The following EYA4 variants were observed in gnomAD, a reference collection of about 807,000 sequenced individuals.
EYA4 encodes the protein protein phosphatase EYA4.
In EYA4, 31 loss-of-function variants were observed where a neutral mutation model predicts 87.9. The observed-to-expected ratio is 0.35, with a 90% CI of 0.27 to 0.48. The LOEUF is 0.48. Ranked by LOEUF, EYA4 falls within the 20% of genes least tolerant of loss-of-function variation. The pLI is 0.99. For synonymous variants in EYA4, 263 were observed against 270.6 expected, an observed-to-expected ratio of 0.97 and a Z score of 0.28; for missense variants, 678 against 761.4, an observed-to-expected ratio of 0.89 and a Z score of 1.29.
At chr6:133,382,245 T>A in intron 2 of EYA4, 147 bp from the exon 3 acceptor site, 4 of 723,926 alleles carry the variant, frequency 5.5e-6, no homozygotes, top group Non-Finnish European at 1.0e-5. Flanking sequence ...AAATACACTA[T>A]TTAGTACTGT....
intron 17 of EYA4, among the ~76,000 whole-genome samples, chr6:133,522,263 G>GC (rs1800250971): frequency 1.4e-5 from 2 of 147,666 alleles, no homozygotes; most frequent in Non-Finnish European, 3.0e-5. Context: ...ATGTTGGTGT[G>GC]CTATTTGTTT....
intron 2 of EYA4, among the ~76,000 whole-genome samples, chr6:133,310,406 C>T (rs770556387): frequency 6.6e-6 from 1 of 152,186 alleles, no homozygotes; most frequent in African/African-American, 2.4e-5. Flanking sequence ...ACCCTCCCCA[C>T]ATCAGCTAAT....
At chr6:133,505,015 C>T (rs897138528) in intron 13 of EYA4, among the ~76,000 whole-genome samples, 1 of 152,170 alleles carries the variant, frequency 6.6e-6, no homozygotes, top group Non-Finnish European at 1.5e-5. Context: ...CCAATAGTAT[C>T]CTTCTAGACT....
At chr6:133,510,920 T>C (rs952679432) in intron 14 of EYA4, among the ~76,000 whole-genome samples, 13 of 152,240 alleles carry the variant, frequency 8.5e-5, no homozygotes, top group Admixed American at 2.0e-4. Context: ...TATGCTAGAT[T>C]GTGCCGTAAG....
chr6:133,260,107 G>T (rs2128241287), intron 1 of EYA4, among the ~76,000 whole-genome samples: 1 of 151,832 alleles, frequency 6.6e-6, no homozygotes, highest in East Asian at 1.9e-4. Context: ...TTTTATTTCT[G>T]TTTCTTTTGT....
intron 2 of EYA4, among the ~76,000 whole-genome samples, chr6:133,357,270 CAAAAAAAAA>C (rs754202361): frequency 3.1e-5 from 2 of 65,318 alleles, no homozygotes; most frequent in African/African-American, 6.6e-5. Context: ...GACTCCGTCT[CAAAAAAAAA>C]AAAAAAAAAA....
chr6:133,267,942 CATT>C (rs758732557), intron 1 of EYA4, among the ~76,000 whole-genome samples: 18 of 152,032 alleles, frequency 1.2e-4, no homozygotes, highest in Non-Finnish European at 2.5e-4. Context: ...TAGAAAATGA[CATT>C]GTTACTAGCA....
At chr6:133,302,665 G>T (rs1292453077) in intron 2 of EYA4, among the ~76,000 whole-genome samples, 1 of 152,062 alleles carries the variant, frequency 6.6e-6, no homozygotes, top group Non-Finnish European at 1.5e-5. Flanking sequence ...CTATTTATCA[G>T]CTTACACTAA....
At chr6:133,300,558 A>G (rs1266888535) in intron 2 of EYA4, among the ~76,000 whole-genome samples, 1 of 152,058 alleles carries the variant, frequency 6.6e-6, no homozygotes, top group African/African-American at 2.4e-5. Context: ...CCCTGTCACC[A>G]GGCTGGAGTG....
At chr6:133,394,364 A>G (rs1787608519) in intron 3 of EYA4, among the ~76,000 whole-genome samples, 1 of 139,896 alleles carries the variant, frequency 7.1e-6, no homozygotes, top group Non-Finnish European at 1.5e-5. Flanking sequence ...AGAAAAAGTT[A>G]TATCAAACAA....
intron 2 of EYA4, among the ~76,000 whole-genome samples, chr6:133,275,427 C>G (rs1443721391): frequency 7.9e-5 from 12 of 152,152 alleles, no homozygotes; most frequent in Admixed American, 2.0e-4. Context: ...CTCACACCCC[C>G]ACGCCTTCAC....
chr6:133,253,959 T>C (rs558865640), intron 1 of EYA4, among the ~76,000 whole-genome samples: 37 of 152,254 alleles, frequency 2.4e-4, no homozygotes, highest in African/African-American at 8.4e-4. Flanking sequence ...TAAAGGGCAT[T>C]AGGTCCCAAA....
At chr6:133,292,902 T>C (rs1939221752) in intron 2 of EYA4, among the ~76,000 whole-genome samples, 1 of 152,188 alleles carries the variant, frequency 6.6e-6, no homozygotes, top group South Asian at 2.1e-4. Flanking sequence ...TTCATAGATG[T>C]AATTAGAGTA....
At position 133,289,969 on chromosome 6, in the gene EYA4, G is replaced by T. The variant is rs549096240; in HGVS notation, c.33+15156G>T. Among the ~76,000 whole-genome samples, 59 of 152,270 alleles carry T rather than the reference G, an allele frequency of 3.9e-4. No individual in the cohort carries two copies. The South Asian group carries it at 0.012, about 30-fold the overall frequency. Reference sequence around the variant, plus strand: ...AGGGCAAACACTCCCTACTTACTTTGCTTTGCTTTCATTATTTTGCCTAAA... The same window carrying T: ...AGGGCAAACACTCCCTACTTACTTTTCTTTGCTTTCATTATTTTGCCTAAA... On this transcript the variant is annotated intron_variant, in intron 2 of 19. Transcript: ENST00000355286.
At position 133,464,124 on chromosome 6, in the gene EYA4, CT is replaced by C. The variant is rs896412177; in HGVS notation, c.725-646del. ...TCTTGACAAGCACATTCCATAAGGACTTTTTTTTTAGGAAACCTGTAATTGG... is the reference window on the plus strand; with the variant it reads ...TCTTGACAAGCACATTCCATAAGGACTTTTTTTTAGGAAACCTGTAATTGG... On this transcript the variant is annotated intron_variant, in intron 9 of 19. Coordinates refer to ENST00000355286, the MANE Select transcript of EYA4 (RefSeq NM_004100.5). Among the ~76,000 whole-genome samples the C allele has an allele frequency of 4.6e-5, 7 of 151,106 alleles. No homozygotes were observed. In the East Asian group the frequency reaches 7.8e-4, roughly 17 times the overall value.
chr6:133,289,221 A>G (rs1053455950), intron 2 of EYA4, among the ~76,000 whole-genome samples: 1 of 152,190 alleles, frequency 6.6e-6, no homozygotes, highest in Non-Finnish European at 1.5e-5. Context: ...CTGACTCTGG[A>G]AATTTAAGAG....
At chr6:133,266,916 G>A (rs1310714553) in intron 1 of EYA4, among the ~76,000 whole-genome samples, 1 of 152,076 alleles carries the variant, frequency 6.6e-6, no homozygotes, top group Non-Finnish European at 1.5e-5. Flanking sequence ...CATTATGTAT[G>A]TTACATTCAA....
chr6:133,322,558 A>G (rs1183908190), intron 2 of EYA4, among the ~76,000 whole-genome samples: 2 of 152,178 alleles, frequency 1.3e-5, no homozygotes, highest in Non-Finnish European at 2.9e-5. Flanking sequence ...TTTCAGCAAT[A>G]TGTACCATTC....
intron 3 of EYA4, among the ~76,000 whole-genome samples, chr6:133,436,633 G>C (rs1791708227): frequency 6.6e-6 from 1 of 152,152 alleles, no homozygotes; most frequent in Admixed American, 6.5e-5. Flanking sequence ...TGTCACATAG[G>C]AAGAAAAAAT....
Sources: allele counts gnomAD v4.1 joint callset (sites outside exome capture counted in the v4.1 genomes callset), GRCh38; gene constraint gnomAD v4.1.1; transcripts MANE v1.5; gene names NCBI Gene and HGNC (gene_info 2026-07-23, HGNC 2026-07-21).